Variants in ZNF85 observed in about 807,000 individuals in gnomAD.
ZNF85 encodes zinc finger protein 85 (HPF4, HTF1).
A neutral mutation model predicts 53.9 loss-of-function variants in ZNF85; 50 were observed. That is an observed-to-expected ratio of 0.93 (90% CI 0.74 to 1.17). ZNF85 has a LOEUF of 1.17. ZNF85 is among the 50% of genes most tolerant of loss of function. The pLI, the probability that ZNF85 is intolerant of heterozygous loss-of-function variation, is 0.00. For synonymous variants in ZNF85, 225 were observed against 226.1 expected (o/e 1.00, Z 0.04); for missense variants, 747 against 688.5 (o/e 1.08, Z -0.95).
intron 3 of ZNF85, chr19:20,936,945 A>G (rs929787933): frequency 6.2e-6 from 1 of 161,806 alleles, no homozygotes; most frequent in Admixed American, 6.3e-5. Flanking sequence ...CGATGAGCAC[A>G]ATATAGTTTT....
rs1044012417 is a variant in ZNF85 at position 20,950,590 on chromosome 19, T to C, written c.*288T>C. On this transcript the variant is annotated 3_prime_UTR_variant, in exon 4 of 4. Transcript: ENST00000328178. ...CACCTTACTGCACAGAAAAGAATTT[T>C]TAGTTGAGAAAAAGTATACAAATAT... The C allele has an allele frequency of 4.2e-5, 11 of 262,264 alleles. No homozygotes were observed. The East Asian group carries it at 6.9e-4, about 17-fold the overall frequency. 16.2% of individuals were successfully genotyped at this position (262,264 alleles called of 1,614,324 possible).
At position 20,949,708 on chromosome 19, in the gene ZNF85, C is replaced by CAA. The variant is rs2144681193; in HGVS notation, c.1196_1197dup (p.Cys400AsnfsTer20). 6.2e-7 allele frequency: 1 copy of CAA among 1,612,976 alleles called. No individual in the cohort carries two copies. Among genetic ancestry groups the CAA allele is most frequent in the East Asian group, 2.2e-5 (1 of 44,824 alleles). ...TAATTCATACTGGAGAGAAACCTTA[C>CAA]AAATGTAAAGAATGTGGTAAAGCTT... On this transcript the variant is annotated frameshift_variant, in exon 4 of 4. Coordinates refer to ENST00000328178, the MANE Select transcript of ZNF85 (RefSeq NM_003429.5). LOFTEE classifies it high-confidence loss of function.
intron 3 of ZNF85, among the ~76,000 whole-genome samples, chr19:20,941,607 A>G (rs1215840627): frequency 6.6e-6 from 1 of 152,184 alleles, no homozygotes; most frequent in African/African-American, 2.4e-5. Context: ...ATTCTTTTTG[A>G]GAAAAATTTA....
At chr19:20,925,671 T>C (rs1318949754) in intron 1 of ZNF85, among the ~76,000 whole-genome samples, 1 of 152,146 alleles carries the variant, frequency 6.6e-6, no homozygotes, top group East Asian at 1.9e-4. Context: ...TGGGGCATAG[T>C]GTAGTGTCTC....
At chr19:20,944,287 C>T (rs1002207281) in intron 3 of ZNF85, 2 of 151,478 alleles carry the variant, frequency 1.3e-5, no homozygotes, top group African/African-American at 4.8e-5. Flanking sequence ...TCTTCAACTC[C>T]TAGTCTCAAG....
In ZNF85 at chr19:20,931,133, T is replaced by C. The variant is rs559644237; in HGVS notation, c.4-2891T>C. ...TTGGTTGTGACAAGAGTGCTGAGTG[T>C]AAGGGAACCTGTGCTGTGCCTGCTT... On this transcript the variant is annotated intron_variant, in intron 1 of 3. Transcript: ENST00000328178. 3.9e-5 allele frequency among the ~76,000 whole-genome samples: 6 copies of C among 152,304 alleles called. No individual in the cohort carries two copies. In the East Asian group the frequency reaches 9.7e-4, roughly 25 times the overall value.
chr19:20,940,604 A>G (rs1269064040), intron 3 of ZNF85, among the ~76,000 whole-genome samples: 1 of 152,146 alleles, frequency 6.6e-6, no homozygotes, highest in Non-Finnish European at 1.5e-5. Flanking sequence ...AAAGACTTCT[A>G]GAAATTTTAC....
chr19:20,938,453 T>A (rs1195870922), intron 3 of ZNF85, among the ~76,000 whole-genome samples: 1 of 152,110 alleles, frequency 6.6e-6, no homozygotes, highest in Non-Finnish European at 1.5e-5. Context: ...CCATGATGCC[T>A]GGCTCTCTCA....
At chr19:20,947,986 T>A (rs549458127) in intron 3 of ZNF85, among the ~76,000 whole-genome samples, 99 of 152,202 alleles carry the variant, frequency 6.5e-4, no homozygotes, top group Non-Finnish European at 1.0e-3. Context: ...AATATTTTTA[T>A]ATGTTGTAAT....
At position 20,934,063 on chromosome 19, in the gene ZNF85, C is replaced by G. The variant is rs1403674231; in HGVS notation, c.43C>G (p.Leu15Val). ...TFRDVAIEFSLKEWQCLDTAQ... is the reference protein window; with the variant it reads ...TFRDVAIEFSVKEWQCLDTAQ... ...TAGGGATGTGGCCATAGAATTCTCT[C>G]TGAAGGAGTGGCAATGCCTGGACAC... Residue 15 changes from leucine (L) to valine (V), a missense_variant, in exon 2 of 4, where the codon CTG (leucine) becomes GTG (valine). Physicochemically the swap from Leu to Val is conservative, Grantham distance 32. Transcript: ENST00000328178. 3.7e-6 allele frequency: 6 copies of G among 1,612,376 alleles called. No individual in the cohort carries two copies. Among genetic ancestry groups the G allele is most frequent in the Non-Finnish European group, 5.1e-6 (6 of 1,179,294 alleles).
rs1327289872 is a variant in ZNF85, at chr19:20,950,194, T to C, written c.1680T>C (p.His560=). 1 of 1,612,600 alleles carries C rather than the reference T, an allele frequency of 6.2e-7. No homozygotes were observed. The highest frequency in any genetic ancestry group is 1.7e-5 in the Admixed American group (1 of 59,796). ...ACCTTACTAAACATAAGAGAATTCA[T>C]ACTGGAGAAAAACCTTACAAATGTG... is the stretch of plus-strand genomic sequence containing the variant. ...SSNLTKHKRI[H]TGEKPYKCEE... is the part of the protein sequence containing the mutation. The change falls in exon 4 of 4, where the codon CAT becomes CAC. Residue 560 remains histidine (H), a synonymous_variant. Transcript: ENST00000328178.
intron 3 of ZNF85, among the ~76,000 whole-genome samples, chr19:20,940,708 TTA>T (rs1453852613): frequency 1.3e-5 from 2 of 152,174 alleles, no homozygotes; most frequent in African/African-American, 2.4e-5. Context: ...CTTTCTGTTT[TTA>T]TGAGTGTGAC....
intron 3 of ZNF85, among the ~76,000 whole-genome samples, chr19:20,939,501 C>T (rs1489945653): frequency 6.6e-6 from 1 of 152,190 alleles, no homozygotes; most frequent in African/African-American, 2.4e-5. Flanking sequence ...GACCCGCCCA[C>T]CTCAGCCTCC....
At chr19:20,927,295 A>G (rs1243456883) in intron 1 of ZNF85, 1 of 151,976 alleles carries the variant, frequency 6.6e-6, no homozygotes, top group African/African-American at 2.4e-5. Context: ...CTCTACTAAA[A>G]ATACAAAATT....
chr19:20,950,162 TCCTCAAA>T lies in ZNF85; in HGVS notation c.1652_1658del (p.Ser551LeufsTer34). 1 of 1,613,452 alleles carries T rather than the reference TCCTCAAA, an allele frequency of 6.2e-7. No homozygotes were observed. The highest frequency in any genetic ancestry group is 2.2e-5 in the East Asian group (1 of 44,818). On this transcript the variant is annotated frameshift_variant, in exon 4 of 4. Transcript: ENST00000328178. LOFTEE classifies it high-confidence loss of function. ...AGAATGTGGCAAAGCCTTTAACCAG[TCCTCAAA>T]CCTTACTAAACATAAGAGAATTCAT...
chr19:20,929,573 T>C (rs937586946), intron 1 of ZNF85, among the ~76,000 whole-genome samples: 1 of 150,772 alleles, frequency 6.6e-6, no homozygotes, highest in Non-Finnish European at 1.5e-5. Context: ...TTTAAATTTC[T>C]TAGTATATGT....
chr19:20,937,204 T>C (rs1973179895), intron 3 of ZNF85: 1 of 386,074 alleles, frequency 2.6e-6, no homozygotes, highest in African/African-American at 2.1e-5. Context: ...GCCAATTTTT[T>C]GTATTTTAGT....
At chr19:20,926,542 C>G (rs1287565226) in intron 1 of ZNF85, among the ~76,000 whole-genome samples, 2 of 151,650 alleles carry the variant, frequency 1.3e-5, no homozygotes, top group African/African-American at 4.8e-5. Context: ...GAAATTAAAG[C>G]TTGAACCCAG....
intron 3 of ZNF85, chr19:20,937,415 G>T: frequency 4.4e-6 from 2 of 453,330 alleles, no homozygotes; most frequent in African/African-American, 2.0e-5. Context: ...TGAGTTTATA[G>T]TGCAGAGGAA....
Sources: allele counts gnomAD v4.1 joint callset (sites outside exome capture counted in the v4.1 genomes callset), GRCh38; gene constraint gnomAD v4.1.1; transcripts MANE v1.5; gene names NCBI Gene and HGNC (gene_info 2026-07-23, HGNC 2026-07-21).